DNAJC1: variants seen among roughly 807,000 people sequenced by gnomAD.
DNAJC1 encodes dnaJ homolog subfamily C member 1.
A neutral mutation model predicts 76.6 loss-of-function variants in DNAJC1; 58 were observed. The ratio of observed to expected loss-of-function variants is 0.76; its 90% confidence interval spans 0.61 to 0.94. The LOEUF (loss-of-function observed/expected upper bound fraction) is 0.94. Ranked by LOEUF, DNAJC1 falls within the 40% of genes least tolerant of loss-of-function variation. The pLI is 0.00. For synonymous variants in DNAJC1, 258 were observed against 267.9 expected (o/e 0.96, Z 0.36); for missense variants, 689 against 677.3 (o/e 1.02, Z -0.19).
chr10:21,919,703 A>T, intron 5 of DNAJC1, 129 bp downstream of exon 5: 1 of 577,062 alleles, frequency 1.7e-6, no homozygotes, highest in Non-Finnish European at 2.9e-6. Context: ...GCACATTATT[A>T]GTCTTTTATA....
chr10:21,985,533 GCCACCGTGCCCAGCCACCTGCTTT>G (rs1838231189), intron 1 of DNAJC1, among the ~76,000 whole-genome samples: 1 of 152,128 alleles, frequency 6.6e-6, no homozygotes, highest in Non-Finnish European at 1.5e-5. Context: ...ACAGGCGTGT[GCCACCGTGCCCAGCCACCTGCTTT>G]CCATCTCTAT....
chr10:21,862,859 G>A (rs1327184352), intron 8 of DNAJC1, among the ~76,000 whole-genome samples: 1 of 152,120 alleles, frequency 6.6e-6, no homozygotes, highest in Non-Finnish European at 1.5e-5. Context: ...AAGGCTAGGC[G>A]AGGTGGCTCA....
chr10:21,950,364 T>C (rs137902717), intron 1 of DNAJC1, among the ~76,000 whole-genome samples: 2 of 152,188 alleles, frequency 1.3e-5, no homozygotes, highest in Non-Finnish European at 2.9e-5. Flanking sequence ...TCACGAACCA[T>C]GTCTATATAA....
At chr10:21,958,920 TCTC>T (rs1837739925) in intron 1 of DNAJC1, among the ~76,000 whole-genome samples, 1 of 152,280 alleles carries the variant, frequency 6.6e-6, no homozygotes, top group South Asian at 2.1e-4. Context: ...CAGAGCTCCT[TCTC>T]CTTCTTTACT....
intron 8 of DNAJC1, among the ~76,000 whole-genome samples, chr10:21,833,199 C>T (rs902127102): frequency 3.3e-5 from 5 of 152,194 alleles, no homozygotes; most frequent in African/African-American, 9.7e-5. Flanking sequence ...TGGCTGGGCG[C>T]AGTGGCTCAG....
chr10:21,945,326 A>T (rs1837487189), intron 1 of DNAJC1, among the ~76,000 whole-genome samples: 1 of 152,216 alleles, frequency 6.6e-6, no homozygotes, highest in South Asian at 2.1e-4. Flanking sequence ...AATGAAGGGA[A>T]ATTTTCAAGA....
Position 21,934,038 on chromosome 10 carries a change from G to A in DNAJC1, c.223-4897C>T, listed in dbSNP as rs974883891. ...GGAATAAAGTGTAAAACAGCCTCAAGCAGGTCCTTCAGGAGGTATTTCAGA... is the reference window on the plus strand; with the variant it reads ...GGAATAAAGTGTAAAACAGCCTCAAACAGGTCCTTCAGGAGGTATTTCAGA... On this transcript the variant is annotated intron_variant, in intron 1 of 11. Transcript: ENST00000376980. Among the ~76,000 whole-genome samples, 7 of 152,038 alleles carry A rather than the reference G, an allele frequency of 4.6e-5. No individual in the cohort carries two copies. The East Asian group carries it at 1.4e-3, about 29-fold the overall frequency.
At chr10:21,916,116 C>T (rs1836950561) in intron 6 of DNAJC1, among the ~76,000 whole-genome samples, 1 of 152,178 alleles carries the variant, frequency 6.6e-6, no homozygotes, top group African/African-American at 2.4e-5. Context: ...TCTAGTTTGA[C>T]TCTTCTTTAA....
Position 21,934,929 on chromosome 10 carries a change from C to A in DNAJC1, c.223-5788G>T, listed in dbSNP as rs549304223. ...CTGAAGAGAAATTCTAGTGGCCATA[C>A]ACAGCACAGAATATGAACTTTACAA... On this transcript the variant is annotated intron_variant, in intron 1 of 11. Coordinates refer to ENST00000376980, the MANE Select transcript of DNAJC1 (RefSeq NM_022365.4). Among the ~76,000 whole-genome samples the A allele has an allele frequency of 9.9e-5, 15 of 152,264 alleles. No individual in the cohort carries two copies. The Middle Eastern group carries it at 0.01, about 104-fold the overall frequency.
At chr10:21,986,158 C>T (rs1050375726) in intron 1 of DNAJC1, among the ~76,000 whole-genome samples, 15 of 152,044 alleles carry the variant, frequency 9.9e-5, no homozygotes, top group East Asian at 1.9e-4. Flanking sequence ...ACCCGGGAGG[C>T]GGAGCTTGCA....
At chr10:21,804,080 A>T in intron 9 of DNAJC1, 5 of 464,386 alleles carry the variant, frequency 1.1e-5, no homozygotes, top group Non-Finnish European at 1.4e-5. Context: ...AATTAAGTAT[A>T]TACTAGGATC....
At chr10:21,767,253 C>T (rs911654883) in intron 9 of DNAJC1, among the ~76,000 whole-genome samples, 2 of 152,166 alleles carry the variant, frequency 1.3e-5, no homozygotes, top group African/African-American at 4.8e-5. Flanking sequence ...GATACCTTTA[C>T]ACATATGAGT....
chr10:21,922,426 A>G (rs1466621813), intron 3 of DNAJC1, among the ~76,000 whole-genome samples: 3 of 152,022 alleles, frequency 2.0e-5, no homozygotes, highest in Non-Finnish European at 4.4e-5. Flanking sequence ...GTTGAAAGCA[A>G]AGGACATTAA....
intron 8 of DNAJC1, among the ~76,000 whole-genome samples, chr10:21,838,699 A>G (rs1835516059): frequency 1.3e-5 from 2 of 152,188 alleles, no homozygotes; most frequent in African/African-American, 4.8e-5. Flanking sequence ...AACGAGACAG[A>G]AAGTTAACAA....
At chr10:21,932,760 G>A (rs1837249404) in intron 1 of DNAJC1, among the ~76,000 whole-genome samples, 2 of 152,130 alleles carry the variant, frequency 1.3e-5, no homozygotes, top group South Asian at 2.1e-4. Context: ...GCCATTTGTC[G>A]TAAACATTTA....
rs959643833 is a variant in DNAJC1 at position 21,862,665 on chromosome 10, G to A, written c.978+19617C>T. On this transcript the variant is annotated intron_variant, in intron 8 of 11. Coordinates refer to ENST00000376980, the MANE Select transcript of DNAJC1 (RefSeq NM_022365.4). Reference sequence around the variant, plus strand: ...GCTGGTCTCGAACGCCTGATCTCAGGTGATCCAACTGCCTCAGCCTCCCAA... The same window carrying A: ...GCTGGTCTCGAACGCCTGATCTCAGATGATCCAACTGCCTCAGCCTCCCAA... 2.6e-5 allele frequency among the ~76,000 whole-genome samples: 4 copies of A among 152,122 alleles called. No individual in the cohort carries two copies. The South Asian group carries it at 8.3e-4, about 32-fold the overall frequency.
intron 9 of DNAJC1, among the ~76,000 whole-genome samples, chr10:21,774,685 GC>G (rs1834431298): frequency 6.6e-6 from 1 of 152,108 alleles, no homozygotes; most frequent in Non-Finnish European, 1.5e-5. Context: ...CACCATGTTA[GC>G]CAGGATGGTC....
chr10:21,757,825 C>G (rs534900183), intron 11 of DNAJC1, among the ~76,000 whole-genome samples: 1 of 152,166 alleles, frequency 6.6e-6, no homozygotes, highest in Non-Finnish European at 1.5e-5. Flanking sequence ...GGGGAACACC[C>G]GCAGGCTGAA....
chr10:21,859,522 C>T (rs952826670), intron 8 of DNAJC1, among the ~76,000 whole-genome samples: 1 of 152,008 alleles, frequency 6.6e-6, no homozygotes. Flanking sequence ...TAAAAATCAA[C>T]AGTTTTCTAC....
Sources: gnomAD v4.1 joint callset for allele counts (sites outside exome capture counted in the v4.1 genomes callset) on GRCh38, gnomAD v4.1.1 for gene constraint, MANE v1.5 for transcripts, NCBI Gene and HGNC (gene_info 2026-07-23, HGNC 2026-07-21) for gene names.